The following PATJ variants were observed in gnomAD, a reference collection of about 807,000 sequenced individuals.
The protein encoded by PATJ is inaD-like protein.
PATJ carries 190 observed loss-of-function variants against 224.9 expected under a neutral mutation model. The ratio of observed to expected loss-of-function variants is 0.84; its 90% CI spans 0.75 to 0.95. The LOEUF is 0.95. PATJ is among the 40% of genes least tolerant of loss of function. The pLI is 0.00. For missense variants in PATJ, 2,121 were observed against 2,270.3 expected (o/e 0.93, Z 1.34); for synonymous variants, 769 against 820.3 (o/e 0.94, Z 1.07).
intron 42 of PATJ, among the ~76,000 whole-genome samples, chr1:62,151,368 C>T (rs1668612811): frequency 6.6e-6 from 1 of 151,700 alleles, no homozygotes; most frequent in Non-Finnish European, 1.5e-5. Flanking sequence ...GCGGGCAGAT[C>T]ATGAGGTCAG....
chr1:62,158,102 G>A (rs1328073364), intron 43 of PATJ, among the ~76,000 whole-genome samples: 2 of 149,386 alleles, frequency 1.3e-5, no homozygotes, highest in African/African-American at 4.8e-5. Flanking sequence ...GATAGTAGAT[G>A]CCCATTTTAC....
intron 20 of PATJ, among the ~76,000 whole-genome samples, chr1:61,874,172 T>TTTTATTTATTTATTTA (rs61201804): frequency 1.5e-4 from 21 of 139,714 alleles, no homozygotes; most frequent in East Asian, 4.5e-4. Context: ...CTTGGGCCTA[T>TTTTATTTATTTATTTA]TTTATTTATT....
intron 15 of PATJ, among the ~76,000 whole-genome samples, chr1:61,825,683 C>G (rs1025939122): frequency 6.6e-6 from 1 of 152,022 alleles, no homozygotes; most frequent in Non-Finnish European, 1.5e-5. Flanking sequence ...AGCAACAGAG[C>G]AGTGAGGAGG....
At chr1:62,115,822 A>ACAATT (rs1009337428) in intron 35 of PATJ, among the ~76,000 whole-genome samples, 1 of 151,902 alleles carries the variant, frequency 6.6e-6, no homozygotes, top group African/African-American at 2.4e-5. Context: ...AATATTAGCT[A>ACAATT]CAATTTTTGA....
chr1:61,794,067 T>A (rs1035984046), intron 9 of PATJ, among the ~76,000 whole-genome samples: 1 of 151,892 alleles, frequency 6.6e-6, no homozygotes, highest in African/African-American at 2.4e-5. Flanking sequence ...CATGCCCAGC[T>A]AATTTTTGTA....
intron 7 of PATJ, among the ~76,000 whole-genome samples, chr1:61,781,303 G>A (rs1273103274): frequency 6.6e-6 from 1 of 152,186 alleles, no homozygotes; most frequent in Non-Finnish European, 1.5e-5. Context: ...CATATGGTAA[G>A]GCCTAGCCAT....
At chr1:61,756,959 G>A (rs957178526) in intron 1 of PATJ, among the ~76,000 whole-genome samples, 5 of 151,926 alleles carry the variant, frequency 3.3e-5, no homozygotes, top group East Asian at 1.9e-4. Flanking sequence ...CACTCTTTAT[G>A]ATTTCTCTTA....
chr1:61,880,819 C>G (rs1475450941), intron 21 of PATJ, among the ~76,000 whole-genome samples: 2 of 152,180 alleles, frequency 1.3e-5, no homozygotes, highest in Non-Finnish European at 2.9e-5. Flanking sequence ...TTTTGGCCAG[C>G]ACGGTGGCTC....
chr1:61,915,205 T>C (rs1001888123), intron 26 of PATJ, among the ~76,000 whole-genome samples: 1 of 152,206 alleles, frequency 6.6e-6, no homozygotes, highest in African/African-American at 2.4e-5. Flanking sequence ...TTTTTTCTCA[T>C]CAAGAGAACT....
chr1:62,121,630 G>T (rs569714934), intron 38 of PATJ, among the ~76,000 whole-genome samples: 6 of 151,944 alleles, frequency 3.9e-5, no homozygotes, highest in African/African-American at 1.5e-4. Flanking sequence ...TTAGCCGGGC[G>T]TGGTGGCATA....
intron 41 of PATJ, among the ~76,000 whole-genome samples, chr1:62,135,424 G>A (rs1666726889): frequency 6.7e-6 from 1 of 150,020 alleles, no homozygotes; most frequent in Admixed American, 6.8e-5. Context: ...GCTGAGGCAG[G>A]AGAATTGCTT....
intron 12 of PATJ, among the ~76,000 whole-genome samples, chr1:61,802,911 C>A (rs186118068): frequency 2.0e-5 from 3 of 152,230 alleles, no homozygotes; most frequent in African/African-American, 7.2e-5. Flanking sequence ...GTACTTAACA[C>A]CATCCATGTT....
chr1:61,793,602 G>A (rs974440365), intron 9 of PATJ, among the ~76,000 whole-genome samples: 3 of 151,222 alleles, frequency 2.0e-5, no homozygotes, highest in South Asian at 2.1e-4. Flanking sequence ...AATTGTAGCC[G>A]CAGCTACTCG....
intron 28 of PATJ, among the ~76,000 whole-genome samples, chr1:61,995,823 A>G (rs1645318712): frequency 6.6e-6 from 1 of 152,222 alleles, no homozygotes; most frequent in Non-Finnish European, 1.5e-5. Flanking sequence ...CGGAAAATGC[A>G]CAGGCCTGAG....
chr1:62,108,281 T>G (rs1663351536), intron 33 of PATJ, among the ~76,000 whole-genome samples, 156 bp from the exon 34 acceptor site: 1 of 152,100 alleles, frequency 6.6e-6, no homozygotes, highest in Non-Finnish European at 1.5e-5. Flanking sequence ...TAATTATACC[T>G]CTGAATATAT....
chr1:61,821,854 G>A (rs1657333082), intron 14 of PATJ, among the ~76,000 whole-genome samples: 1 of 152,150 alleles, frequency 6.6e-6, no homozygotes, highest in South Asian at 2.1e-4. Flanking sequence ...TGAAAGTCAG[G>A]GGAATGGAGT....
Position 62,160,970 on chromosome 1 carries a change from G to A in PATJ, c.5565G>A (p.Glu1855=). 4 of 1,613,694 alleles carry A rather than the reference G, an allele frequency of 2.5e-6. No individual in the cohort carries two copies. The highest frequency in any genetic ancestry group is 3.4e-6 in the Non-Finnish European group (4 of 1,179,888). ...RGDQILAVNG[E]TLEGVTHEQA... is the part of the protein sequence containing the mutation. ...ATCAGATTTTAGCTGTTAATGGCGA[G>A]ACCCTGGAAGGTGTTACTCATGAGC... Residue 1855 remains glutamate (E), a synonymous_variant, in exon 44 of 44, where the codon GAG becomes GAA. Coordinates refer to ENST00000642238, the MANE Select transcript of PATJ (RefSeq NM_001350145.3).
chr1:61,936,432 C>CAAAAAAAAAAA (rs11455787), intron 27 of PATJ, among the ~76,000 whole-genome samples: 1 of 92,736 alleles, frequency 1.1e-5, no homozygotes, highest in Non-Finnish European at 2.0e-5. Flanking sequence ...CTTCCAAGAC[C>CAAAAAAAAAAA]AAAAAAAAAA....
intron 33 of PATJ, among the ~76,000 whole-genome samples, chr1:62,101,667 T>A (rs1444389658): frequency 6.6e-6 from 1 of 152,234 alleles, no homozygotes; most frequent in Non-Finnish European, 1.5e-5. Flanking sequence ...AAAGATTTGA[T>A]GTTTTAAGTG....
Sources: allele counts gnomAD v4.1 joint callset (sites outside exome capture counted in the v4.1 genomes callset), GRCh38; gene constraint gnomAD v4.1.1; transcripts MANE v1.5; gene names NCBI Gene and HGNC (gene_info 2026-07-23, HGNC 2026-07-21).